Variants in MSI2 observed in about 807,000 individuals in gnomAD.
MSI2 encodes musashi RNA binding protein 2.
MSI2 carries 17 observed loss-of-function variants against 45.6 expected under a neutral mutation model. The observed-to-expected ratio is 0.37, with a 90% CI of 0.26 to 0.56. The LOEUF is 0.56. Ranked by LOEUF, MSI2 falls within the 20% of genes least tolerant of loss-of-function variation. The pLI, the probability that MSI2 is intolerant of heterozygous loss-of-function variation, is 0.77. For missense variants in MSI2, 293 were observed against 444.2 expected (o/e 0.66, Z 3.06); for synonymous variants, 156 against 158.2 (o/e 0.99, Z 0.11).
At chr17:57,506,542 G>A (rs1298631563) in intron 6 of MSI2, among the ~76,000 whole-genome samples, 5 of 152,132 alleles carry the variant, frequency 3.3e-5, no homozygotes, top group African/African-American at 9.7e-5. Context: ...CCCTGGGAAC[G>A]TTCGCAGTCA....
At chr17:57,577,580 G>GA (rs760117239) in intron 7 of MSI2, among the ~76,000 whole-genome samples, 1 of 152,096 alleles carries the variant, frequency 6.6e-6, no homozygotes, top group East Asian at 1.9e-4. Flanking sequence ...AGGATAAAAT[G>GA]AAAAAAATTA....
intron 5 of MSI2, chr17:57,279,758 C>G (rs182502879): frequency 6.6e-6 from 1 of 152,210 alleles, no homozygotes; most frequent in South Asian, 2.1e-4. Context: ...GGTTCTCCTG[C>G]GTCAGCCTCC....
chr17:57,602,660 C>T (rs1397415112), intron 8 of MSI2, among the ~76,000 whole-genome samples: 1 of 152,172 alleles, frequency 6.6e-6, no homozygotes, highest in South Asian at 2.1e-4. Flanking sequence ...TGGCTACACC[C>T]CTGCTTTAAA....
At chr17:57,454,959 C>T (rs1451093197) in intron 6 of MSI2, among the ~76,000 whole-genome samples, 1 of 152,166 alleles carries the variant, frequency 6.6e-6, no homozygotes, top group Non-Finnish European at 1.5e-5. Context: ...CTGCTCCTGT[C>T]GCAGGCGTGG....
At chr17:57,420,039 G>T (rs1178542774) in intron 6 of MSI2, among the ~76,000 whole-genome samples, 1 of 152,170 alleles carries the variant, frequency 6.6e-6, no homozygotes, top group African/African-American at 2.4e-5. Flanking sequence ...ATAATGGAAG[G>T]CCAAGATGAT....
chr17:57,298,657 T>C (rs1911183478), intron 5 of MSI2, among the ~76,000 whole-genome samples: 1 of 151,838 alleles, frequency 6.6e-6, no homozygotes, highest in Non-Finnish European at 1.5e-5. Context: ...CAAGACTCTG[T>C]CTCAAAAAAA....
At chr17:57,574,809 T>TTCTGCATTCTC (rs1418516288) in intron 7 of MSI2, among the ~76,000 whole-genome samples, 1 of 151,726 alleles carries the variant, frequency 6.6e-6, no homozygotes, top group Non-Finnish European at 1.5e-5. Flanking sequence ...AAGACACAAA[T>TTCTGCATTCTC]TCTGCATTCT....
chr17:57,529,451 G>GAC lies in MSI2; in HGVS notation c.406-222_406-221dup, dbSNP rs1169359605. On this transcript the variant is annotated intron_variant, in intron 6 of 13. Transcript: ENST00000284073. The surrounding 1 kb of genome is among the most constrained non-coding windows in gnomAD (Gnocchi z 5.3). ...ACCCTGTCTCAAAAAATAAAAAGCAGACACTAAAGGGAACTATATAAAATG... is the reference window on the plus strand; with the variant it reads ...ACCCTGTCTCAAAAAATAAAAAGCAGACACACTAAAGGGAACTATATAAAATG... Among the ~76,000 whole-genome samples the GAC allele has an allele frequency of 6.6e-6, 1 of 151,886 alleles. No individual in the cohort carries two copies. Among genetic ancestry groups the GAC allele is most frequent in the East Asian group, 1.9e-4 (1 of 5,188 alleles).
intron 5 of MSI2, among the ~76,000 whole-genome samples, chr17:57,273,905 T>C (rs12947724): frequency 0.07 from 10,690 of 152,230 alleles, 421 homozygotes; most frequent in African/African-American, 0.085. Context: ...TTCAGGGCTA[T>C]CCAGACAAAA....
chr17:57,287,023 A>T (rs1909956615), intron 5 of MSI2, among the ~76,000 whole-genome samples: 1 of 152,084 alleles, frequency 6.6e-6, no homozygotes, highest in African/African-American at 2.4e-5. Flanking sequence ...AGAGTTTTGA[A>T]GCCACATTTC....
intron 6 of MSI2, among the ~76,000 whole-genome samples, chr17:57,408,157 C>T (rs2084118884): frequency 6.6e-6 from 1 of 152,320 alleles, no homozygotes; most frequent in East Asian, 1.9e-4. Flanking sequence ...AAAGATTGAG[C>T]ACCCTAACGT....
Position 57,529,299 on chromosome 17 carries a change from GAT to G in MSI2, c.406-376_406-375del, listed in dbSNP as rs2086771608. Among the ~76,000 whole-genome samples the G allele has an allele frequency of 6.6e-6, 1 of 152,062 alleles. No individual in the cohort carries two copies. The highest frequency in any genetic ancestry group is 2.1e-4 in the South Asian group (1 of 4,814). On this transcript the variant is annotated intron_variant, in intron 6 of 13. Coordinates refer to ENST00000284073, the MANE Select transcript of MSI2 (RefSeq NM_138962.4). This position sits in a 1 kb window ranked among gnomAD's most constrained non-coding sequence, Gnocchi z 5.3. ...AAAATAAAATAAAATAACTGGGCAT[GAT>G]GGTACATGCCTGTAGTCCCAGCTAC...
chr17:57,419,653 C>CA (rs1379138353), intron 6 of MSI2, among the ~76,000 whole-genome samples: 1 of 152,046 alleles, frequency 6.6e-6, no homozygotes, highest in East Asian at 1.9e-4. Context: ...GGATTACAGG[C>CA]ATGAGCCACT....
intron 11 of MSI2, among the ~76,000 whole-genome samples, chr17:57,665,487 A>C (rs1912300781): frequency 6.6e-6 from 1 of 152,232 alleles, no homozygotes; most frequent in Admixed American, 6.5e-5. Context: ...TAGTGCTTAC[A>C]TCAAAAATGG....
At chr17:57,630,714 G>C (rs1909287082) in intron 10 of MSI2, 1 of 152,410 alleles carries the variant, frequency 6.6e-6, no homozygotes, top group African/African-American at 2.4e-5. Context: ...ACAAAGCCTA[G>C]GTAGGTCCAT....
chr17:57,447,592 G>A (rs1320517657), intron 6 of MSI2, among the ~76,000 whole-genome samples: 1 of 151,978 alleles, frequency 6.6e-6, no homozygotes, highest in Non-Finnish European at 1.5e-5. Flanking sequence ...GCATGGGTGG[G>A]GGGGGTGTCT....
chr17:57,469,701 A>G (rs2085396968), intron 6 of MSI2, among the ~76,000 whole-genome samples: 1 of 152,212 alleles, frequency 6.6e-6, no homozygotes, highest in South Asian at 2.1e-4. Flanking sequence ...TAAAGTGAGA[A>G]GGGCAGGAAC....
At position 57,411,810 on chromosome 17, in the gene MSI2, C is replaced by T. The variant is rs985410711; in HGVS notation, c.405+10339C>T. Among the ~76,000 whole-genome samples the T allele has an allele frequency of 2.0e-5, 3 of 152,136 alleles. No individual in the cohort carries two copies. The East Asian group carries it at 5.8e-4, about 30-fold the overall frequency. On this transcript the variant is annotated intron_variant, in intron 6 of 13. Transcript: ENST00000284073. ...GATCATGAGGTTAGGAGTTTGAGAC[C>T]AGCCTGGCCAACATGGTGAAACCCT...
At chr17:57,545,695 T>C (rs2087149481) in intron 7 of MSI2, among the ~76,000 whole-genome samples, 1 of 152,174 alleles carries the variant, frequency 6.6e-6, no homozygotes, top group African/African-American at 2.4e-5. Context: ...AGACAGCCAT[T>C]CTCTCCCCAT....
Sources: gnomAD v4.1 joint callset for allele counts (sites outside exome capture counted in the v4.1 genomes callset) on GRCh38, gnomAD v4.1.1 for gene constraint, Gnocchi (gnomAD v3.1) non-coding constraint, MANE v1.5 for transcripts, NCBI Gene and HGNC (gene_info 2026-07-23, HGNC 2026-07-21) for gene names.